Variants in RPS6KA5 observed in about 807,000 individuals in gnomAD.
RPS6KA5 encodes ribosomal protein S6 kinase alpha-5.
Under a neutral mutation model 85.5 loss-of-function variants are expected in RPS6KA5, and 27 were observed. The observed-to-expected ratio is 0.32, with a 90% CI of 0.23 to 0.44. The LOEUF (loss-of-function observed/expected upper bound fraction) is 0.44, where lower values mean the gene tolerates loss of function less well. Ranked by LOEUF, RPS6KA5 falls within the 20% of genes least tolerant of loss-of-function variation. The probability of loss-of-function intolerance (pLI) is 1.00; values close to 1 mark genes in which losing one functional copy is unlikely to be tolerated. For synonymous variants in RPS6KA5, 334 were observed against 348.2 expected, an observed-to-expected ratio of 0.96 and a Z score of 0.46; for missense variants, 811 against 980.9, an observed-to-expected ratio of 0.83 and a Z score of 2.31.
rs2032983179 is a variant in RPS6KA5, at chr14:90,869,762, C to T, written c.*2312G>A. ...ATGTTAATACACAGCCTGCATAGGACCTAACTGCTTCAAACTTGGCATCAA... is the reference window on the plus strand; with the variant it reads ...ATGTTAATACACAGCCTGCATAGGATCTAACTGCTTCAAACTTGGCATCAA... On this transcript the variant is annotated 3_prime_UTR_variant, in exon 17 of 17. Coordinates refer to ENST00000614987, the MANE Select transcript of RPS6KA5 (RefSeq NM_004755.4). 6.6e-6 allele frequency: 1 copy of T among 152,156 alleles called. No homozygotes were observed. The highest frequency in any genetic ancestry group is 2.4e-5 in the African/African-American group (1 of 41,430). 9.4% of individuals were successfully genotyped at this position (152,156 alleles called of 1,614,324 possible).
chr14:90,978,671 A>G (rs2039667274), intron 2 of RPS6KA5, 147 bp from the exon 3 acceptor site: 5 of 596,656 alleles, frequency 8.4e-6, no homozygotes, highest in Non-Finnish European at 1.4e-5. Flanking sequence ...GTTATTTGAT[A>G]GATTTCTTCA....
At chr14:90,984,318 G>A (rs568501552) in intron 2 of RPS6KA5, among the ~76,000 whole-genome samples, 3 of 152,204 alleles carry the variant, frequency 2.0e-5, no homozygotes, top group Non-Finnish European at 2.9e-5. Flanking sequence ...AATGAATGAC[G>A]TAAATCTTTC....
intron 3 of RPS6KA5, among the ~76,000 whole-genome samples, chr14:90,977,890 A>C (rs2039634127): frequency 6.6e-6 from 1 of 152,150 alleles, no homozygotes; most frequent in Non-Finnish European, 1.5e-5. Context: ...CCCCATCTCT[A>C]CTTAAAATAC....
At position 90,902,839 on chromosome 14, in the gene RPS6KA5, G is replaced by A; in HGVS notation, c.1088C>T (p.Ala363Val). Residue 363 changes from alanine (A) to valine (V), a missense_variant, in exon 9 of 17, where the codon GCC (alanine) becomes GTC (valine). By Grantham distance (64) the Ala-to-Val change is moderately conservative. Transcript: ENST00000614987. Reference sequence around the variant, plus strand: ...CAGCTTCTCAGAACTCTGGGGCAGGGCTGCGGGAGAATAAGTGGGATCCAT... The same window carrying A: ...CAGCTTCTCAGAACTCTGGGGCAGGACTGCGGGAGAATAAGTGGGATCCAT... Reference protein sequence around the residue: ...TEMDPTYSPAALPQSSEKLFQ... With the variant: ...TEMDPTYSPAVLPQSSEKLFQ... 1 of 1,614,030 alleles carries A rather than the reference G, an allele frequency of 6.2e-7. No individual in the cohort carries two copies. The highest frequency in any genetic ancestry group is 8.5e-7 in the Non-Finnish European group (1 of 1,179,946).
chr14:90,891,255 AT>A (rs1211032065), intron 13 of RPS6KA5, among the ~76,000 whole-genome samples: 2 of 151,020 alleles, frequency 1.3e-5, no homozygotes, highest in Non-Finnish European at 2.9e-5. Flanking sequence ...AAAGTCATAA[AT>A]AAAATAGCTA....
chr14:90,961,739 T>C (rs921939177), intron 3 of RPS6KA5, among the ~76,000 whole-genome samples: 23 of 152,146 alleles, frequency 1.5e-4, no homozygotes, highest in Admixed American at 1.3e-3. Flanking sequence ...TTATCGCTCA[T>C]AGATTTTATG....
chr14:91,056,132 CCACTAAGGTTTGGAATAATTTGTTA>C (rs1438458126), intron 1 of RPS6KA5, among the ~76,000 whole-genome samples: 5 of 152,184 alleles, frequency 3.3e-5, no homozygotes, highest in African/African-American at 1.2e-4. Flanking sequence ...GTTGTTTAAG[CCACTAAGGTTTGGAATAATTTGTTA>C]CACCACAATA....
intron 2 of RPS6KA5, among the ~76,000 whole-genome samples, chr14:90,993,394 C>T (rs1477904871): frequency 6.6e-6 from 1 of 152,098 alleles, no homozygotes; most frequent in Non-Finnish European, 1.5e-5. Context: ...GAGCTAAGAT[C>T]GTGCCACTGC....
At chr14:91,003,738 G>A (rs1387791977) in intron 1 of RPS6KA5, among the ~76,000 whole-genome samples, 1 of 152,162 alleles carries the variant, frequency 6.6e-6, no homozygotes, top group Non-Finnish European at 1.5e-5. Flanking sequence ...GTAAGGCAGA[G>A]CTCTTCTTTC....
At chr14:91,059,528 T>C (rs1330401902) in intron 1 of RPS6KA5, among the ~76,000 whole-genome samples, 1 of 152,166 alleles carries the variant, frequency 6.6e-6, no homozygotes, top group East Asian at 1.9e-4. Context: ...CTGATTGGTC[T>C]GAATAAGCAT....
chr14:90,907,899 T>C (rs2035598193), intron 7 of RPS6KA5, among the ~76,000 whole-genome samples: 1 of 152,308 alleles, frequency 6.6e-6, no homozygotes, highest in East Asian at 1.9e-4. Context: ...TTTCTCCACC[T>C]CTACTGTACT....
At chr14:90,926,769 A>C (rs980188380) in intron 5 of RPS6KA5, among the ~76,000 whole-genome samples, 1 of 151,960 alleles carries the variant, frequency 6.6e-6, no homozygotes, top group Non-Finnish European at 1.5e-5. Flanking sequence ...TGCAGGGCAA[A>C]ATAAAGCATT....
chr14:90,995,066 T>C (rs1336623855), intron 2 of RPS6KA5, among the ~76,000 whole-genome samples: 3 of 152,156 alleles, frequency 2.0e-5, no homozygotes, highest in African/African-American at 7.2e-5. Context: ...TTGTTTTTAA[T>C]ATAAGACGGA....
rs958457965 is a variant in RPS6KA5, at chr14:90,894,063, A to G, written c.1644+350T>C. ...TAAGTTTTCAAAATACATCATTTGG[A>G]AAAAAAACCCTCTAAAATTATATGT... On this transcript the variant is annotated intron_variant, in intron 13 of 16. Coordinates refer to ENST00000614987, the MANE Select transcript of RPS6KA5 (RefSeq NM_004755.4). 1.5e-5 allele frequency: 14 copies of G among 935,630 alleles called. No individual in the cohort carries two copies. In the South Asian group the frequency reaches 4.4e-4, roughly 29 times the overall value. 58.0% of individuals were successfully genotyped at this position (935,630 alleles called of 1,614,324 possible). A position where few individuals can be genotyped will look rare whatever the true frequency, so the allele number is the denominator to read the frequency against.
intron 3 of RPS6KA5, among the ~76,000 whole-genome samples, chr14:90,957,812 T>G (rs1238359640): frequency 1.3e-5 from 2 of 151,954 alleles, no homozygotes; most frequent in Non-Finnish European, 2.9e-5. Context: ...CCACCAAAAT[T>G]TCCTTTGTTT....
chr14:90,994,446 A>G (rs540065339), intron 2 of RPS6KA5, among the ~76,000 whole-genome samples: 39 of 152,026 alleles, frequency 2.6e-4, no homozygotes, highest in African/African-American at 8.9e-4. Flanking sequence ...TTAATTAAAA[A>G]CATACACATT....
rs1053639966 is a variant in RPS6KA5 at position 91,019,365 on chromosome 14, A to G, written c.104-18206T>C. On this transcript the variant is annotated intron_variant, in intron 1 of 16. Coordinates refer to ENST00000614987, the MANE Select transcript of RPS6KA5 (RefSeq NM_004755.4). ...GTCATCCAATCAGTTGAAGGCCTTA[A>G]CAGAACAAAAAGACTGTCCTCTCCT... 8.5e-5 allele frequency among the ~76,000 whole-genome samples: 13 copies of G among 152,306 alleles called. No individual in the cohort carries two copies. The East Asian group carries it at 1.7e-3, about 20-fold the overall frequency.
chr14:91,050,270 AC>A (rs2043019009), intron 1 of RPS6KA5, among the ~76,000 whole-genome samples: 1 of 152,104 alleles, frequency 6.6e-6, no homozygotes. Context: ...AGTCCTAGCT[AC>A]TTGGGAGGCT....
At chr14:91,020,614 T>TGTG (rs2041719555) in intron 1 of RPS6KA5, among the ~76,000 whole-genome samples, 5 of 91,270 alleles carry the variant, frequency 5.5e-5, no homozygotes, top group African/African-American at 2.1e-4. Context: ...ATATATCCTA[T>TGTG]TGTGTGTGTG....
Sources: allele counts gnomAD v4.1 joint callset (sites outside exome capture counted in the v4.1 genomes callset), GRCh38; gene constraint gnomAD v4.1.1; transcripts MANE v1.5; gene names NCBI Gene and HGNC (gene_info 2026-07-23, HGNC 2026-07-21).